RAP1GAP2: variants seen among roughly 807,000 people sequenced by gnomAD.
The protein encoded by RAP1GAP2 is rap1 GTPase-activating protein 2.
RAP1GAP2 carries 27 observed loss-of-function variants against 95.0 expected under a neutral mutation model. The ratio of observed to expected loss-of-function variants is 0.28; its 90% CI spans 0.21 to 0.39. RAP1GAP2 has a LOEUF of 0.39. Ranked by LOEUF, RAP1GAP2 falls within the 10% of genes least tolerant of loss-of-function variation. The pLI is 1.00. For missense variants in RAP1GAP2, 771 were observed against 970.0 expected (o/e 0.79, Z 2.72); for synonymous variants, 373 against 380.9 (o/e 0.98, Z 0.24).
At chr17:2,779,658 G>A (rs1157089135) in intron 1 of RAP1GAP2, among the ~76,000 whole-genome samples, 1 of 152,186 alleles carries the variant, frequency 6.6e-6, no homozygotes, top group Non-Finnish European at 1.5e-5. Flanking sequence ...GAGGGCGAGG[G>A]GAGAGGACAG....
chr17:2,998,384 G>C lies in RAP1GAP2; in HGVS notation c.1200+8G>C. The C allele has an allele frequency of 6.2e-7, 1 of 1,613,312 alleles. No homozygotes were observed. Among genetic ancestry groups the C allele is most frequent in the Non-Finnish European group, 8.5e-7 (1 of 1,179,344 alleles). ...GAGACCCCATCCTACAAGGTAAGGA[G>C]AACGCCTTGTTGGAGGGAGTGGTGG... On this transcript the variant is annotated splice_region_variant and intron_variant, in intron 14 of 24. Transcript: ENST00000254695.
rs2044174038 is a variant in RAP1GAP2, at chr17:2,957,767, G to A, written c.174G>A (p.Glu58=). Residue 58 remains glutamate (E), a synonymous_variant, in exon 4 of 25, where the codon GAG becomes GAA. Coordinates refer to ENST00000254695, the MANE Select transcript of RAP1GAP2 (RefSeq NM_015085.5). ...CTGCTTTTGTCTTTCAGTCGTCGGA[G>A]TTCTTTGAGATGCTGGAGAAAATGC... The part of the protein sequence containing the change: ...LTAPPTMKSS[E]FFEMLEKMQG... 1 of 1,607,872 alleles carries A rather than the reference G, an allele frequency of 6.2e-7. No homozygotes were observed. The highest frequency in any genetic ancestry group is 2.3e-5 in the East Asian group (1 of 44,220).
chr17:2,801,670 C>A (rs1328501092), intron 2 of RAP1GAP2, among the ~76,000 whole-genome samples: 1 of 142,164 alleles, frequency 7.0e-6, no homozygotes, highest in African/African-American at 2.6e-5. Flanking sequence ...CTCATCAAGT[C>A]ATTTGTTGCC....
rs912396698 is a variant in RAP1GAP2, at chr17:2,826,196, C to T, written c.80+25646C>T. On this transcript the variant is annotated intron_variant, in intron 2 of 24. Coordinates refer to ENST00000254695, the MANE Select transcript of RAP1GAP2 (RefSeq NM_015085.5). Reference sequence around the variant, plus strand: ...ATTTTTAGTAGACACAGGGTTTCACCGTGTTAGCCAGGATGGTCTCAATCT... The same window carrying T: ...ATTTTTAGTAGACACAGGGTTTCACTGTGTTAGCCAGGATGGTCTCAATCT... Among the ~76,000 whole-genome samples, 7 of 144,406 alleles carry T rather than the reference C, an allele frequency of 4.8e-5. No homozygotes were observed. In the South Asian group the frequency reaches 6.7e-4, roughly 14 times the overall value. The allele number at this position is 144,406 out of a possible 152,430, so 94.7% of individuals were successfully genotyped here. A position where few individuals can be genotyped will look rare whatever the true frequency, so the allele number is the denominator to read the frequency against.
chr17:2,783,229 G>C (rs1232135841), intron 1 of RAP1GAP2, among the ~76,000 whole-genome samples: 1 of 152,074 alleles, frequency 6.6e-6, no homozygotes, highest in African/African-American at 2.4e-5. Flanking sequence ...CCCTCTCAGA[G>C]AGGCCATCCC....
At chr17:2,826,731 G>A (rs1056901265) in intron 2 of RAP1GAP2, among the ~76,000 whole-genome samples, 2 of 152,128 alleles carry the variant, frequency 1.3e-5, no homozygotes, top group African/African-American at 4.8e-5. Flanking sequence ...TTTCCGGCCG[G>A]GCGCGGTGGC....
chr17:2,817,101 C>G (rs2070058664), intron 2 of RAP1GAP2, among the ~76,000 whole-genome samples: 1 of 114,740 alleles, frequency 8.7e-6, no homozygotes, highest in Admixed American at 8.6e-5. Context: ...GTTTCTCGTG[C>G]CTCAGCCTCC....
At chr17:2,769,417 T>A (rs1417177300) in intron 1 of RAP1GAP2, among the ~76,000 whole-genome samples, 1 of 150,538 alleles carries the variant, frequency 6.6e-6, no homozygotes, top group Admixed American at 6.6e-5. Flanking sequence ...TAGCCGGGCG[T>A]GGCGGTGGGC....
At chr17:3,002,626 A>G (rs1046245407) in intron 14 of RAP1GAP2, among the ~76,000 whole-genome samples, 1 of 152,178 alleles carries the variant, frequency 6.6e-6, no homozygotes, top group Non-Finnish European at 1.5e-5. Context: ...GGGACTGAGT[A>G]AGCCCCAGGA....
intron 2 of RAP1GAP2, among the ~76,000 whole-genome samples, chr17:2,771,480 T>G (rs887590681): frequency 8.2e-5 from 11 of 134,964 alleles, no homozygotes; most frequent in African/African-American, 2.9e-4. Flanking sequence ...TCAAAGCCAC[T>G]TTTTTGTTTT....
intron 2 of RAP1GAP2, among the ~76,000 whole-genome samples, chr17:2,888,747 G>A (rs2073587495): frequency 6.7e-6 from 1 of 150,092 alleles, no homozygotes; most frequent in Non-Finnish European, 1.5e-5. Flanking sequence ...CGCCTCCCGG[G>A]TTCAAGTGAT....
intron 14 of RAP1GAP2, among the ~76,000 whole-genome samples, chr17:2,999,684 C>T (rs922077400): frequency 9.2e-5 from 14 of 151,818 alleles, no homozygotes; most frequent in Admixed American, 2.0e-4. Flanking sequence ...CGGTGGCGTA[C>T]GCCTGTAATT....
At chr17:3,013,622 CTTTTCTTTTCT>C (rs899816170) in intron 17 of RAP1GAP2, among the ~76,000 whole-genome samples, 2 of 68,534 alleles carry the variant, frequency 2.9e-5, no homozygotes, top group African/African-American at 6.3e-5. Context: ...TTTTTCTTTT[CTTTTCTTTTCT>C]TTTTTTTTTT....
intron 3 of RAP1GAP2, among the ~76,000 whole-genome samples, chr17:2,951,727 C>T (rs551149225): frequency 2.7e-5 from 4 of 150,480 alleles, no homozygotes; most frequent in East Asian, 2.0e-4. Flanking sequence ...CAAAAACAAA[C>T]GAAAATAAAA....
rs914235830 is a variant in RAP1GAP2, at chr17:2,965,754, G to C, written c.596+111G>C. The C allele has an allele frequency of 8.5e-6, 7 of 818,752 alleles. No individual in the cohort carries two copies. Among genetic ancestry groups the C allele is most frequent in the Non-Finnish European group, 1.2e-5 (6 of 510,346 alleles). The allele number at this position is 818,752 out of a possible 1,614,324, so 50.7% of individuals were successfully genotyped here. A position where few individuals can be genotyped will look rare whatever the true frequency, so the allele number is the denominator to read the frequency against. On this transcript the variant is annotated intron_variant, in intron 8 of 24. Transcript: ENST00000254695. This position sits in a 1 kb window ranked among gnomAD's most constrained non-coding sequence, Gnocchi z 4.7. ...TACCAGACTGACCAGTCTGGTCTGG[G>C]TGCACTGGCTGACGGGGACAGGCCT...
intron 2 of RAP1GAP2, among the ~76,000 whole-genome samples, chr17:2,865,636 A>T (rs1318875390): frequency 6.6e-6 from 1 of 152,218 alleles, no homozygotes; most frequent in Non-Finnish European, 1.5e-5. Context: ...AGGCCATCTG[A>T]AAACGAGATC....
At chr17:2,940,049 C>T (rs1269965742) in intron 3 of RAP1GAP2, among the ~76,000 whole-genome samples, 2 of 152,204 alleles carry the variant, frequency 1.3e-5, no homozygotes, top group African/African-American at 2.4e-5. Context: ...CAGGCCCTGG[C>T]GGGAGATGGA....
intron 2 of RAP1GAP2, among the ~76,000 whole-genome samples, chr17:2,820,325 C>T (rs1488822411): frequency 1.3e-5 from 2 of 152,002 alleles, no homozygotes; most frequent in East Asian, 3.9e-4. Flanking sequence ...AGATTGCCCT[C>T]AAGAGAGGAC....
chr17:3,005,061 G>A lies in RAP1GAP2; in HGVS notation c.1201-308G>A, dbSNP rs900286192. Among the ~76,000 whole-genome samples, 2 of 152,104 alleles carry A rather than the reference G, an allele frequency of 1.3e-5. No homozygotes were observed. The highest frequency in any genetic ancestry group is 2.4e-5 in the African/African-American group (1 of 41,400). ...TAGCGTCACGGTCGAATGAGGTCAC[G>A]AGATGCCATCTCCCGGGCACTTGTA... On this transcript the variant is annotated intron_variant, in intron 14 of 24. Coordinates refer to ENST00000254695, the MANE Select transcript of RAP1GAP2 (RefSeq NM_015085.5). This position sits in a 1 kb window ranked among gnomAD's most constrained non-coding sequence, Gnocchi z 5.2.
Sources: allele counts gnomAD v4.1 joint callset (sites outside exome capture counted in the v4.1 genomes callset), GRCh38; gene constraint gnomAD v4.1.1; non-coding constraint Gnocchi (gnomAD v3.1); transcripts MANE v1.5; gene names NCBI Gene and HGNC (gene_info 2026-07-23, HGNC 2026-07-21).